Variants in TRDN observed in about 807,000 individuals in gnomAD.
The protein encoded by TRDN is triadin in skeletal muscle.
Under a neutral mutation model 149.7 loss-of-function variants are expected in TRDN, and 161 were observed. The observed-to-expected ratio is 1.08, with a 90% CI of 0.95 to 1.23. TRDN has a LOEUF of 1.23. Ranked by LOEUF, TRDN falls within the 50% of genes most tolerant of loss-of-function variation. TRDN has a pLI of 0.00. For missense variants in TRDN, 896 were observed against 823.5 expected, an observed-to-expected ratio of 1.09 and a Z score of -1.08; for synonymous variants, 294 against 250.5, an observed-to-expected ratio of 1.17 and a Z score of -1.64.
At chr6:123,517,014 T>G (rs1466798661) in intron 5 of TRDN, among the ~76,000 whole-genome samples, 1 of 152,182 alleles carries the variant, frequency 6.6e-6, no homozygotes, top group African/African-American at 2.4e-5. Flanking sequence ...ACTTGCTATG[T>G]GCTAAAGACT....
intron 10 of TRDN, chr6:123,445,208 G>C (rs1010895749): frequency 3.0e-4 from 46 of 151,746 alleles, no homozygotes; most frequent in African/African-American, 1.1e-3. Context: ...TCCTGTTATT[G>C]GTCTATTCAG....
chr6:123,618,585 C>A (rs1785223188), intron 1 of TRDN, among the ~76,000 whole-genome samples: 1 of 152,126 alleles, frequency 6.6e-6, no homozygotes, highest in Admixed American at 6.6e-5. Flanking sequence ...TTTTGGGGGA[C>A]AATTATTCTG....
intron 1 of TRDN, among the ~76,000 whole-genome samples, chr6:123,615,445 T>C (rs1041723645): frequency 6.6e-6 from 1 of 152,078 alleles, no homozygotes; most frequent in Non-Finnish European, 1.5e-5. Context: ...GGTGTATGCG[T>C]CTGTGTGTGT....
At chr6:123,372,592 T>C (rs1781363982) in intron 19 of TRDN, among the ~76,000 whole-genome samples, 1 of 152,092 alleles carries the variant, frequency 6.6e-6, no homozygotes, top group South Asian at 2.1e-4. Context: ...TGAGGTGGAA[T>C]AAAGTGACCT....
At chr6:123,273,439 T>G (rs1442134915) in intron 27 of TRDN, 76 bp from the exon 28 acceptor site, 1 of 731,602 alleles carries the variant, frequency 1.4e-6, no homozygotes, top group African/African-American at 1.9e-5. Context: ...TACAACTGGT[T>G]ATTGTAAATA....
intron 16 of TRDN, among the ~76,000 whole-genome samples, chr6:123,379,066 A>T (rs1392705751): frequency 6.6e-6 from 1 of 152,224 alleles, no homozygotes. Context: ...ATACTTTAAC[A>T]TACCCACATT....
intron 10 of TRDN, among the ~76,000 whole-genome samples, chr6:123,439,417 T>C (rs1774754855): frequency 6.6e-6 from 1 of 152,258 alleles, no homozygotes; most frequent in African/African-American, 2.4e-5. Flanking sequence ...ATACATTTAA[T>C]TTCATTAGAA....
intron 1 of TRDN, among the ~76,000 whole-genome samples, chr6:123,580,176 C>T (rs1783052205): frequency 1.3e-5 from 2 of 151,992 alleles, no homozygotes; most frequent in Non-Finnish European, 2.9e-5. Flanking sequence ...TTGTTACTGA[C>T]CATTTCAGTC....
At chr6:123,404,489 C>G (rs1773112894) in intron 12 of TRDN, among the ~76,000 whole-genome samples, 1 of 152,030 alleles carries the variant, frequency 6.6e-6, no homozygotes, top group Admixed American at 6.6e-5. Context: ...GTTTCTGTCA[C>G]CCAGGCGGGA....
chr6:123,566,403 A>G (rs1049734115), intron 2 of TRDN, among the ~76,000 whole-genome samples: 7 of 152,248 alleles, frequency 4.6e-5, no homozygotes, highest in African/African-American at 1.7e-4. Flanking sequence ...AACTAGTAGC[A>G]AATATATGCA....
intron 8 of TRDN, chr6:123,498,520 A>C (rs763914526): frequency 6.4e-6 from 3 of 470,626 alleles, no homozygotes; most frequent in South Asian, 4.7e-5. Context: ...AAATTGGAGC[A>C]CATTTTCCCA....
intron 23 of TRDN, among the ~76,000 whole-genome samples, chr6:123,321,859 T>G (rs1779255411): frequency 6.6e-6 from 1 of 151,906 alleles, no homozygotes. Context: ...CGGATAAATA[T>G]AACTGTGAAA....
At chr6:123,311,108 A>C (rs190198987) in intron 24 of TRDN, among the ~76,000 whole-genome samples, 10 of 152,116 alleles carry the variant, frequency 6.6e-5, no homozygotes, top group Admixed American at 6.6e-4. Context: ...TTATAAAGAA[A>C]AGAGGCTTAA....
intron 24 of TRDN, among the ~76,000 whole-genome samples, chr6:123,300,899 T>A (rs956328615): frequency 6.7e-6 from 1 of 149,706 alleles, no homozygotes; most frequent in Non-Finnish European, 1.5e-5. Flanking sequence ...GAAGTCAGTT[T>A]CCCCTTTTAA....
chr6:123,262,501 T>C (rs2114592800), intron 33 of TRDN, among the ~76,000 whole-genome samples: 1 of 152,180 alleles, frequency 6.6e-6, no homozygotes, highest in Admixed American at 6.6e-5. Flanking sequence ...TCATACATCC[T>C]GGTCCAGTGT....
In TRDN at chr6:123,376,884, T is replaced by TACAC. The variant is rs144286586; in HGVS notation, c.1246+828_1246+831dup. Among the ~76,000 whole-genome samples, 4 of 150,622 alleles carry TACAC rather than the reference T, an allele frequency of 2.7e-5. 1 individual carries two copies. The highest frequency in any genetic ancestry group is 1.9e-4 in the East Asian group (1 of 5,134). On this transcript the variant is annotated intron_variant, in intron 18 of 40. Coordinates refer to ENST00000334268, the MANE Select transcript of TRDN (RefSeq NM_006073.4). ...TATTACATAAGGTTATGATCACCCA[T>TACAC]ACACACACACACACACAATACTAAA...
intron 1 of TRDN, among the ~76,000 whole-genome samples, chr6:123,572,026 T>C (rs1357164430): frequency 1.3e-5 from 2 of 152,144 alleles, no homozygotes; most frequent in Non-Finnish European, 2.9e-5. Flanking sequence ...TTTTATAGCT[T>C]TGAGAATACA....
chr6:123,290,052 C>T (rs2114648763), intron 24 of TRDN, among the ~76,000 whole-genome samples: 1 of 152,248 alleles, frequency 6.6e-6, no homozygotes, highest in Admixed American at 6.5e-5. Context: ...CCCACAGTGG[C>T]AGATAAACAG....
chr6:123,486,739 T>A (rs896385782), intron 9 of TRDN, among the ~76,000 whole-genome samples: 1 of 152,036 alleles, frequency 6.6e-6, no homozygotes, highest in African/African-American at 2.4e-5. Context: ...AAGTTCTACA[T>A]AAATTCTACC....
Sources: gnomAD v4.1 joint callset for allele counts (sites outside exome capture counted in the v4.1 genomes callset) on GRCh38, gnomAD v4.1.1 for gene constraint, MANE v1.5 for transcripts, NCBI Gene and HGNC (gene_info 2026-07-23, HGNC 2026-07-21) for gene names.